DCC: variants seen among roughly 807,000 people sequenced by gnomAD.
DCC encodes netrin receptor DCC.
In DCC, 58 loss-of-function variants were observed where a neutral mutation model predicts 172.5. The observed-to-expected ratio is 0.34, with a 90% CI of 0.27 to 0.42. The LOEUF is 0.42. DCC is among the 10% of genes least tolerant of loss of function. DCC has a pLI of 1.00. For missense variants in DCC, 1,740 were observed against 1,791.0 expected, an observed-to-expected ratio of 0.97 and a Z score of 0.51; for synonymous variants, 709 against 644.5, an observed-to-expected ratio of 1.10 and a Z score of -1.52.
At chr18:52,605,330 T>G (rs1417044876) in intron 1 of DCC, among the ~76,000 whole-genome samples, 1 of 152,102 alleles carries the variant, frequency 6.6e-6, no homozygotes, top group East Asian at 1.9e-4. Flanking sequence ...TCTCTTACTG[T>G]TATATGACAT....
intron 2 of DCC, among the ~76,000 whole-genome samples, chr18:52,884,365 A>G (rs183845428): frequency 1.3e-5 from 2 of 150,990 alleles, no homozygotes; most frequent in East Asian, 3.9e-4. Context: ...AGATCTTGTA[A>G]GTGTGCTTCA....
intron 7 of DCC, among the ~76,000 whole-genome samples, chr18:53,138,995 C>T (rs1598840890): frequency 6.6e-6 from 1 of 152,192 alleles, no homozygotes; most frequent in Non-Finnish European, 1.5e-5. Flanking sequence ...ACTATGATTA[C>T]ATCCAAGAGC....
intron 15 of DCC, among the ~76,000 whole-genome samples, chr18:53,361,827 TA>T (rs2057951564): frequency 8.8e-6 from 1 of 113,308 alleles, no homozygotes. Context: ...AGAAATTATG[TA>T]TTTTTTTTAA....
intron 10 of DCC, among the ~76,000 whole-genome samples, chr18:53,207,050 T>C (rs1192027317): frequency 6.6e-6 from 1 of 152,188 alleles, no homozygotes; most frequent in Non-Finnish European, 1.5e-5. Context: ...TCTGCCTTTC[T>C]ATATATTTTA....
chr18:53,403,999 C>G (rs1167977967), intron 19 of DCC, among the ~76,000 whole-genome samples: 2 of 152,162 alleles, frequency 1.3e-5, no homozygotes, highest in African/African-American at 4.8e-5. Context: ...CACAAAATTT[C>G]CCCAAGATCT....
intron 19 of DCC, among the ~76,000 whole-genome samples, chr18:53,405,906 T>C (rs189581499): frequency 3.7e-4 from 57 of 152,310 alleles, no homozygotes; most frequent in Non-Finnish European, 6.3e-4. Context: ...GTTTATACTC[T>C]TAATTATTAC....
At chr18:52,358,026 G>A (rs1229970911) in intron 1 of DCC, among the ~76,000 whole-genome samples, 3 of 151,694 alleles carry the variant, frequency 2.0e-5, no homozygotes, top group Non-Finnish European at 2.9e-5. Flanking sequence ...TTGATAGCAT[G>A]TACCCCCTGA....
At chr18:53,437,128 C>T (rs1392437015) in intron 22 of DCC, among the ~76,000 whole-genome samples, 1 of 152,194 alleles carries the variant, frequency 6.6e-6, no homozygotes, top group Non-Finnish European at 1.5e-5. Flanking sequence ...TCCCAGGATG[C>T]TCTTTCCAGG....
intron 1 of DCC, among the ~76,000 whole-genome samples, chr18:52,496,959 GA>G (rs1341577585): frequency 6.6e-6 from 1 of 151,650 alleles, no homozygotes; most frequent in African/African-American, 2.4e-5. Context: ...TACATATAAT[GA>G]AAAAAATTAT....
intron 2 of DCC, among the ~76,000 whole-genome samples, chr18:52,871,629 A>T (rs780742095): frequency 1.3e-5 from 2 of 152,028 alleles, no homozygotes; most frequent in East Asian, 1.9e-4. Context: ...TAATTTTTAA[A>T]TTTTTTGTAG....
intron 7 of DCC, among the ~76,000 whole-genome samples, chr18:53,078,311 A>G (rs1275667598): frequency 6.6e-6 from 1 of 152,156 alleles, no homozygotes; most frequent in African/African-American, 2.4e-5. Flanking sequence ...AAGTAAATAC[A>G]TAAATAAATT....
chr18:53,325,336 G>A (rs1262750466), intron 14 of DCC, among the ~76,000 whole-genome samples: 1 of 152,028 alleles, frequency 6.6e-6, no homozygotes, highest in Non-Finnish European at 1.5e-5. Flanking sequence ...TCTAAGAAGT[G>A]AGATCACGTT....
intron 9 of DCC, among the ~76,000 whole-genome samples, chr18:53,184,857 G>A (rs140308398): frequency 4.1e-4 from 63 of 152,198 alleles, no homozygotes; most frequent in African/African-American, 1.4e-3. Flanking sequence ...TTAAAGTATG[G>A]TTACATAAAT....
rs1250381889 is a variant in DCC at position 53,091,845 on chromosome 18, ATCTATCAATCTATC to A, written c.1261+25681_1261+25694del. 1.1e-3 allele frequency among the ~76,000 whole-genome samples: 65 copies of A among 57,916 alleles called. No individual in the cohort carries two copies. In the South Asian group the frequency reaches 0.017, roughly 15 times the overall value. The allele number at this position is 57,916 out of a possible 152,430, so 38.0% of individuals were successfully genotyped here. ...TATCTATCTATCTATCTATCTATCT[ATCTATCAATCTATC>A]TATATATATATATATATCTACATAA... On this transcript the variant is annotated intron_variant, in intron 7 of 28. Coordinates refer to ENST00000442544, the MANE Select transcript of DCC (RefSeq NM_005215.4).
chr18:52,747,012 C>G (rs918571078), intron 1 of DCC, among the ~76,000 whole-genome samples: 14 of 151,580 alleles, frequency 9.2e-5, no homozygotes, highest in African/African-American at 2.2e-4. Flanking sequence ...GATCTGACAC[C>G]TCATTACTTT....
intron 24 of DCC, among the ~76,000 whole-genome samples, chr18:53,466,807 T>C (rs2045627077): frequency 6.6e-6 from 1 of 152,208 alleles, no homozygotes; most frequent in South Asian, 2.1e-4. Flanking sequence ...ATTACAGGCG[T>C]GAGCCACCAT....
chr18:52,425,383 G>A (rs1310877062), intron 1 of DCC, among the ~76,000 whole-genome samples: 1 of 152,068 alleles, frequency 6.6e-6, no homozygotes, highest in Non-Finnish European at 1.5e-5. Context: ...GCGTTAGACT[G>A]GTTCCCTACC....
At chr18:53,284,252 T>C (rs993740338) in intron 12 of DCC, among the ~76,000 whole-genome samples, 2 of 152,254 alleles carry the variant, frequency 1.3e-5, no homozygotes. Flanking sequence ...GCTGTATTTG[T>C]TCTTTTAAAT....
chr18:53,453,470 G>GT (rs1002679008), intron 23 of DCC, among the ~76,000 whole-genome samples: 3 of 150,988 alleles, frequency 2.0e-5, no homozygotes, highest in East Asian at 3.9e-4. Flanking sequence ...TTTTCTTTAT[G>GT]TTTTTTTTGG....
Sources: gnomAD v4.1 joint callset for allele counts (sites outside exome capture counted in the v4.1 genomes callset) on GRCh38, gnomAD v4.1.1 for gene constraint, MANE v1.5 for transcripts, NCBI Gene and HGNC (gene_info 2026-07-23, HGNC 2026-07-21) for gene names.